The following NRXN1 variants were observed in gnomAD, a reference collection of about 807,000 sequenced individuals.
NRXN1 encodes neurexin 1, also known as neurexin-1.
A neutral mutation model predicts 150.9 loss-of-function variants in NRXN1; 39 were observed. The ratio of observed to expected loss-of-function variants is 0.26; its 90% CI spans 0.20 to 0.34. NRXN1 has a LOEUF of 0.34. Among genes scored for constraint, NRXN1 ranks in the 10% least tolerant of loss-of-function variants. The pLI, the probability that NRXN1 is intolerant of heterozygous loss-of-function variation, is 1.00. For synonymous variants in NRXN1, 924 were observed against 757.0 expected (o/e 1.22, Z -3.62); for missense variants, 1,815 against 1,949.9 (o/e 0.93, Z 1.30).
At chr2:50,979,031 A>C (rs1393780617) in intron 2 of NRXN1, among the ~76,000 whole-genome samples, 1 of 152,080 alleles carries the variant, frequency 6.6e-6, no homozygotes, top group Non-Finnish European at 1.5e-5. Flanking sequence ...TTTCAGCATA[A>C]CTCATATGTC....
chr2:51,021,592 C>A (rs58624935), intron 2 of NRXN1, among the ~76,000 whole-genome samples: 1 of 151,470 alleles, frequency 6.6e-6, no homozygotes, highest in African/African-American at 2.4e-5. Context: ...AAAAATATAA[C>A]CTACTTATGA....
chr2:50,733,191 T>A (rs1309853801), intron 5 of NRXN1, among the ~76,000 whole-genome samples: 1 of 152,180 alleles, frequency 6.6e-6, no homozygotes, highest in Non-Finnish European at 1.5e-5. Flanking sequence ...AATCTATTTT[T>A]ATTGTTGATT....
At chr2:50,777,826 C>T (rs1470978871) in intron 5 of NRXN1, among the ~76,000 whole-genome samples, 1 of 152,182 alleles carries the variant, frequency 6.6e-6, no homozygotes, top group Non-Finnish European at 1.5e-5. Flanking sequence ...CAAATCCATT[C>T]TGAGTCTAGC....
intron 5 of NRXN1, among the ~76,000 whole-genome samples, chr2:50,646,075 T>C (rs1256113594): frequency 1.3e-5 from 2 of 151,888 alleles, no homozygotes; most frequent in East Asian, 3.9e-4. Context: ...CAGGGAACAT[T>C]CCAGGCATCC....
chr2:50,867,472 C>T (rs1677113092), intron 5 of NRXN1, among the ~76,000 whole-genome samples: 1 of 151,860 alleles, frequency 6.6e-6, no homozygotes, highest in Non-Finnish European at 1.5e-5. Context: ...AAACAAAAAG[C>T]CATTCTGCTC....
intron 12 of NRXN1, chr2:50,506,879 T>A (rs1386868944): frequency 2.4e-6 from 1 of 416,720 alleles, no homozygotes; most frequent in Non-Finnish European, 4.4e-6. Context: ...TTAAGAATCT[T>A]TAATCCTACG....
chr2:51,002,673 T>A (rs185368945), intron 2 of NRXN1, among the ~76,000 whole-genome samples: 68 of 151,986 alleles, frequency 4.5e-4, no homozygotes, highest in Non-Finnish European at 4.3e-4. Flanking sequence ...AGGAGACACA[T>A]CATCAGAAAT....
chr2:50,073,414 G>C (rs760797240), intron 19 of NRXN1, among the ~76,000 whole-genome samples: 1 of 152,076 alleles, frequency 6.6e-6, no homozygotes, highest in Non-Finnish European at 1.5e-5. Context: ...AGTCTCTTCT[G>C]TCTTCCACTA....
intron 17 of NRXN1, among the ~76,000 whole-genome samples, chr2:50,354,553 A>G (rs1313166060): frequency 1.9e-5 from 2 of 104,168 alleles, no homozygotes; most frequent in Non-Finnish European, 3.6e-5. Context: ...TAGAGTGCAT[A>G]CATATATATA....
At chr2:50,497,263 A>G in intron 14 of NRXN1, 70 bp downstream of exon 14, 1 of 1,233,278 alleles carries the variant, frequency 8.1e-7, no homozygotes, top group Non-Finnish European at 1.1e-6. Context: ...TTCTTAGTGT[A>G]TATTTTTGGA....
At chr2:50,149,305 G>A (rs537363833) in intron 18 of NRXN1, among the ~76,000 whole-genome samples, 32 of 151,772 alleles carry the variant, frequency 2.1e-4, no homozygotes, top group African/African-American at 7.7e-4. Context: ...ACAAAGGGTG[G>A]CCATTTTGTT....
chr2:50,011,060 G>A (rs1685580629), intron 21 of NRXN1, among the ~76,000 whole-genome samples: 1 of 152,106 alleles, frequency 6.6e-6, no homozygotes. Context: ...CCTCCTTGGA[G>A]AGTTTTTACA....
intron 18 of NRXN1, among the ~76,000 whole-genome samples, chr2:50,119,223 A>T (rs1195352240): frequency 6.6e-6 from 1 of 152,180 alleles, no homozygotes. Context: ...ATGTGTCTTT[A>T]TCTTTTGGAA....
chr2:50,347,077 A>G lies in NRXN1; in HGVS notation c.3365-110107T>C. On this transcript the variant is annotated intron_variant, in intron 17 of 22. Transcript: ENST00000401669. The surrounding 1 kb of genome is among the most constrained non-coding windows in gnomAD (Gnocchi z 4.9). ...GCCGGCCGCCTCACCGCGCCAGGGC[A>G]CCCATCCTCTCCCTCCTTCGGACAG... The G allele has an allele frequency of 8.0e-6, 11 of 1,383,178 alleles. No individual in the cohort carries two copies. Among genetic ancestry groups the G allele is most frequent in the Non-Finnish European group, 1.0e-5 (11 of 1,053,294 alleles). The allele number at this position is 1,383,178 out of a possible 1,614,324, so 85.7% of individuals were successfully genotyped here.
At chr2:50,168,163 G>T (rs924067821) in intron 18 of NRXN1, among the ~76,000 whole-genome samples, 12 of 152,162 alleles carry the variant, frequency 7.9e-5, no homozygotes, top group African/African-American at 2.7e-4. Context: ...ATGGCAGGCA[G>T]TGACCCAGGG....
At chr2:50,089,659 G>A (rs1699280568) in intron 19 of NRXN1, among the ~76,000 whole-genome samples, 1 of 151,868 alleles carries the variant, frequency 6.6e-6, no homozygotes, top group Non-Finnish European at 1.5e-5. Context: ...GCATGGTGGT[G>A]TGCACCTGTA....
At chr2:50,520,439 T>C (rs1248881823) in intron 12 of NRXN1, among the ~76,000 whole-genome samples, 2 of 151,870 alleles carry the variant, frequency 1.3e-5, no homozygotes, top group East Asian at 3.9e-4. Flanking sequence ...GAAAAAACAT[T>C]GTAGAAATTA....
intron 21 of NRXN1, among the ~76,000 whole-genome samples, chr2:49,979,916 T>TTC (rs1558627057): frequency 2.6e-5 from 4 of 151,428 alleles, no homozygotes. Flanking sequence ...GTTTTTTTTT[T>TTC]CTGCTACTGT....
intron 5 of NRXN1, among the ~76,000 whole-genome samples, chr2:50,627,656 A>G (rs1206971478): frequency 1.3e-5 from 2 of 151,154 alleles, no homozygotes; most frequent in African/African-American, 4.9e-5. Flanking sequence ...CACTTATCTG[A>G]ATATGGTATT....
Sources: gnomAD v4.1 joint callset for allele counts (sites outside exome capture counted in the v4.1 genomes callset) on GRCh38, gnomAD v4.1.1 for gene constraint, Gnocchi (gnomAD v3.1) non-coding constraint, MANE v1.5 for transcripts, NCBI Gene and HGNC (gene_info 2026-07-23, HGNC 2026-07-21) for gene names.